The following MYO10 variants were observed in gnomAD, a reference collection of about 807,000 sequenced individuals.
MYO10 encodes unconventional myosin-X.
A neutral mutation model predicts 257.3 loss-of-function variants in MYO10; 133 were observed. The observed-to-expected ratio is 0.52, with a 90% CI of 0.45 to 0.60. The LOEUF (loss-of-function observed/expected upper bound fraction) is 0.60. MYO10 is among the 20% of genes least tolerant of loss of function. The pLI is 0.00. For missense variants in MYO10, 2,399 were observed against 2,635.7 expected, an observed-to-expected ratio of 0.91 and a Z score of 1.97; for synonymous variants, 1,104 against 1,028.6, an observed-to-expected ratio of 1.07 and a Z score of -1.40.
At chr5:16,871,787 C>T (rs760707584) in intron 2 of MYO10, among the ~76,000 whole-genome samples, 2 of 152,072 alleles carry the variant, frequency 1.3e-5, no homozygotes, top group Non-Finnish European at 2.9e-5. Context: ...AGTCTTTGGG[C>T]CACTGACAGT....
chr5:16,891,349 AAGGAAGGAAGGAAG>A (rs1178744561), intron 1 of MYO10, among the ~76,000 whole-genome samples: 40 of 57,268 alleles, frequency 7.0e-4, no homozygotes, highest in Non-Finnish European at 1.2e-4. Flanking sequence ...GGAAGGAAGG[AAGGAAGGAAGGAAG>A]GAAGGAAGGA....
chr5:16,715,821 CG>C (rs1738844695), intron 19 of MYO10, among the ~76,000 whole-genome samples: 1 of 151,894 alleles, frequency 6.6e-6, no homozygotes, highest in African/African-American at 2.4e-5. Context: ...TTTGGGAGGG[CG>C]AGGCAGGTGG....
intron 2 of MYO10, among the ~76,000 whole-genome samples, chr5:16,822,619 T>G (rs574896037): frequency 1.1e-4 from 17 of 152,158 alleles, no homozygotes; most frequent in Admixed American, 3.9e-4. Context: ...TCTAGTATCT[T>G]AATACATTAT....
intron 3 of MYO10, among the ~76,000 whole-genome samples, chr5:16,811,586 G>C (rs781729320): frequency 3.9e-5 from 6 of 152,094 alleles, no homozygotes. Context: ...GTCTTGCTCT[G>C]TTGCCCAGGC....
At chr5:16,874,360 T>C (rs71587640) in intron 2 of MYO10, among the ~76,000 whole-genome samples, 1 of 22,152 alleles carries the variant, frequency 4.5e-5, no homozygotes, top group Non-Finnish European at 8.8e-5. Flanking sequence ...GGGGGGGGGG[T>C]TTCTTTTCTA....
At chr5:16,746,940 A>C (rs929518099) in intron 19 of MYO10, among the ~76,000 whole-genome samples, 1 of 152,192 alleles carries the variant, frequency 6.6e-6, no homozygotes. Flanking sequence ...TGTTTAATTA[A>C]CCTTTCAGTT....
At chr5:16,741,112 TC>T (rs1740003239) in intron 19 of MYO10, among the ~76,000 whole-genome samples, 1 of 152,156 alleles carries the variant, frequency 6.6e-6, no homozygotes, top group African/African-American at 2.4e-5. Flanking sequence ...CATTCCTCCA[TC>T]GGGGGGAGGC....
At chr5:16,822,727 G>C (rs13340373) in intron 2 of MYO10, among the ~76,000 whole-genome samples, 1 of 143,344 alleles carries the variant, frequency 7.0e-6, no homozygotes, top group Non-Finnish European at 1.5e-5. Flanking sequence ...TCCCTCTGTC[G>C]CCCAGGCTGG....
rs188224882 is a variant in MYO10, at chr5:16,669,382, T to G, written c.5884-914A>C. 3.3e-4 allele frequency among the ~76,000 whole-genome samples: 50 copies of G among 152,182 alleles called. 1 individual carries two copies. In the East Asian group the frequency reaches 7.9e-3, roughly 24 times the overall value. Reference sequence around the variant, plus strand: ...GTGCATGCCACCACGCCCAGCTAATTTTTTGCAGAGATGGGGTTTCACCGT... The same window carrying G: ...GTGCATGCCACCACGCCCAGCTAATGTTTTGCAGAGATGGGGTTTCACCGT... On this transcript the variant is annotated intron_variant, in intron 39 of 40. Transcript: ENST00000513610.
chr5:16,834,980 C>T (rs533893463), intron 2 of MYO10, among the ~76,000 whole-genome samples: 94 of 152,254 alleles, frequency 6.2e-4, no homozygotes, highest in African/African-American at 2.1e-3. Context: ...TAAAGACTAG[C>T]CTGGACAACA....
Position 16,694,402 on chromosome 5 carries a change from G to A in MYO10, c.3769C>T (p.Leu1257Phe). 3 of 1,614,062 alleles carry A rather than the reference G, an allele frequency of 1.9e-6. No individual in the cohort carries two copies. Among genetic ancestry groups the A allele is most frequent in the Non-Finnish European group, 2.5e-6 (3 of 1,179,908 alleles). Reference protein sequence around the residue: ...MYFENDSEEKLKGTVEVRTAK... With the variant: ...MYFENDSEEKFKGTVEVRTAK... ...GTTCGCACTTCTACGGTGCCCTTGA[G>A]CTTCTCCTCGCTGTCGTTTTCAAAG... Residue 1257 changes from leucine (L) to phenylalanine (F), a missense_variant, in exon 27 of 41, where the codon CTC becomes TTC. Around this residue, in one of 3 missense-constraint regions of MYO10, gnomAD observed 1,820 missense variants for 1,939.4 expected, o/e 0.94. Transcript: ENST00000513610.
chr5:16,872,475 C>A (rs1243207060), intron 2 of MYO10, among the ~76,000 whole-genome samples: 1 of 151,998 alleles, frequency 6.6e-6, no homozygotes, highest in Non-Finnish European at 1.5e-5. Context: ...TAAACTTAAC[C>A]CTAGTACCCT....
chr5:16,863,023 AACAG>A (rs774351206), intron 2 of MYO10, among the ~76,000 whole-genome samples: 4 of 152,248 alleles, frequency 2.6e-5, no homozygotes, highest in Non-Finnish European at 5.9e-5. Flanking sequence ...AGTCCAGATA[AACAG>A]ACAGATTCTA....
chr5:16,761,413 A>G (rs1740709172), intron 17 of MYO10, 51 bp downstream of exon 17: 1 of 1,400,006 alleles, frequency 7.1e-7, no homozygotes, highest in East Asian at 2.3e-5. Context: ...AAGCATTTGC[A>G]CAAATATTCA....
At position 16,683,896 on chromosome 5, in the gene MYO10, A is replaced by G; in HGVS notation, c.4030T>C (p.Ser1344Pro). The change falls in exon 30 of 41, where the codon TCT becomes CCT. Residue 1344 changes from serine (S) to proline (P), a missense_variant. By Grantham distance (74) the Ser-to-Pro change is moderately conservative. Coordinates refer to ENST00000513610, the MANE Select transcript of MYO10 (RefSeq NM_012334.3). ...TGAGCTTACCTATCAGGGCTGTCAG[A>G]GGCACACACAGAATCAATCAGCCCC... ...DVGLIDSVCA[S>P]DSPDRPNSFV... 1 of 1,613,804 alleles carries G rather than the reference A, an allele frequency of 6.2e-7. No homozygotes were observed. Among genetic ancestry groups the G allele is most frequent in the Non-Finnish European group, 8.5e-7 (1 of 1,179,830 alleles).
At chr5:16,819,995 G>A (rs1580030647) in intron 2 of MYO10, among the ~76,000 whole-genome samples, 1 of 152,204 alleles carries the variant, frequency 6.6e-6, no homozygotes, top group African/African-American at 2.4e-5. Context: ...CATCCACCAG[G>A]AGAGGAGACA....
chr5:16,769,730 A>T (rs753746133), intron 9 of MYO10, among the ~76,000 whole-genome samples: 20 of 152,198 alleles, frequency 1.3e-4, no homozygotes, highest in Non-Finnish European at 2.2e-4. Flanking sequence ...AGAGATAATC[A>T]ATGAAATAAA....
intron 19 of MYO10, 80 bp from the exon 20 acceptor site, chr5:16,711,325 C>A: frequency 6.9e-7 from 1 of 1,440,112 alleles, no homozygotes; most frequent in South Asian, 1.3e-5. Flanking sequence ...AAGCCACCTC[C>A]ATCATTGGTT....
Position 16,672,720 on chromosome 5 carries a change from C to T in MYO10, c.5278G>A (p.Val1760Ile), listed in dbSNP as rs748357648. 5.5e-5 allele frequency: 89 copies of T among 1,613,892 alleles called. No homozygotes were observed. The highest frequency in any genetic ancestry group is 3.3e-4 in the East Asian group (15 of 44,894). ...AACTTGGCTAAGACATCAGCTACGA[C>T]GGTTCGACTTTCAATGGCTTTGTCG... Reference protein sequence around the residue: ...HVDKAIESRTVVADVLAKFEK... With the variant: ...HVDKAIESRTIVADVLAKFEK... Residue 1760 changes from valine (V) to isoleucine (I), a missense_variant, in exon 37 of 41, where the codon GTC becomes ATC. This residue lies in a region of MYO10 where 1,820 missense variants were observed against 1,939.4 expected (regional missense o/e 0.94). Transcript: ENST00000513610.
Sources: gnomAD v4.1 joint callset for allele counts (sites outside exome capture counted in the v4.1 genomes callset) on GRCh38, gnomAD v4.1.1 for gene constraint, gnomAD v4.1.1 regional missense constraint, MANE v1.5 for transcripts, NCBI Gene and HGNC (gene_info 2026-07-23, HGNC 2026-07-21) for gene names.